CHD5: variants seen among roughly 807,000 people sequenced by gnomAD.
The protein encoded by CHD5 is ATP-dependent chromatin remodeler CHD5.
A neutral mutation model predicts 230.3 loss-of-function variants in CHD5; 69 were observed. That is an observed-to-expected ratio of 0.30 (90% CI 0.25 to 0.37). The LOEUF (loss-of-function observed/expected upper bound fraction) is 0.37, where lower values mean the gene tolerates loss of function less well. Ranked by LOEUF, CHD5 falls within the 10% of genes least tolerant of loss-of-function variation. The pLI is 1.00. For synonymous variants in CHD5, 1,064 were observed against 1,065.9 expected, an observed-to-expected ratio of 1.00 and a Z score of 0.03; for missense variants, 1,827 against 2,622.8, an observed-to-expected ratio of 0.70 and a Z score of 6.63.
At position 6,154,571 on chromosome 1, in the gene CHD5, T is replaced by C. The variant is rs765648301; in HGVS notation, c.745+89A>G. 2.4e-6 allele frequency: 3 copies of C among 1,230,886 alleles called. No homozygotes were observed. Among genetic ancestry groups the C allele is most frequent in the Non-Finnish European group, 3.3e-6 (3 of 906,290 alleles). The allele number at this position is 1,230,886 out of a possible 1,614,324, so 76.2% of individuals were successfully genotyped here. ...TAGGAGCACCCCAGCTGCCCCTCCC[T>C]GCCCGCGTCTGCCCCGTGGCTTCTC... is the stretch of plus-strand genomic sequence containing the variant. On this transcript the variant is annotated intron_variant, in intron 5 of 41. Coordinates refer to ENST00000262450, the MANE Select transcript of CHD5 (RefSeq NM_015557.3). This position sits in a 1 kb window ranked among gnomAD's most constrained non-coding sequence, Gnocchi z 7.0.
intron 33 of CHD5, among the ~76,000 whole-genome samples, chr1:6,114,301 C>T (rs961896277): frequency 1.3e-5 from 2 of 151,338 alleles, no homozygotes; most frequent in African/African-American, 4.9e-5. Flanking sequence ...CCAATCTAAA[C>T]CCAGAAAACA....
chr1:6,153,878 A>G (rs569953230), intron 5 of CHD5, among the ~76,000 whole-genome samples: 275 of 151,506 alleles, frequency 1.8e-3, no homozygotes, highest in African/African-American at 6.2e-3. Flanking sequence ...AGGAAAGCTG[A>G]GCTGCAGGTG....
At chr1:6,175,074 GTGGATGGTGGATGGATGCATGGA>G (rs1328066985) in intron 1 of CHD5, among the ~76,000 whole-genome samples, 1 of 149,236 alleles carries the variant, frequency 6.7e-6, no homozygotes, top group Non-Finnish European at 1.5e-5. Context: ...GAATGGATGA[GTGGATGGTGGATGGATGCATGGA>G]TGGATGGTGG....
Position 6,149,305 on chromosome 1 carries a change from C to G in CHD5, c.1102G>C (p.Val368Leu). The change falls in exon 8 of 42, where the codon GTA (valine) becomes CTA (leucine). Residue 368 changes from valine to leucine, a missense_variant. Around this residue, in one of 14 missense-constraint regions of CHD5, gnomAD observed 657 missense variants for 816.4 expected, o/e 0.80. Transcript: ENST00000262450. ...CDTCPRAYHL[V>L]CLDPELEKAP... ...TTCTCCAGCTCTGGGTCCAGGCATACGAGATGGTAGGCCCTCGGGCAGGTG... is the reference window on the plus strand; with the variant it reads ...TTCTCCAGCTCTGGGTCCAGGCATAGGAGATGGTAGGCCCTCGGGCAGGTG... The G allele has an allele frequency of 6.2e-7, 1 of 1,612,572 alleles. No homozygotes were observed. Among genetic ancestry groups the G allele is most frequent in the Non-Finnish European group, 8.5e-7 (1 of 1,179,524 alleles).
At chr1:6,110,804 G>C (rs1444114747) in intron 36 of CHD5, among the ~76,000 whole-genome samples, 1 of 152,206 alleles carries the variant, frequency 6.6e-6, no homozygotes, top group Non-Finnish European at 1.5e-5. Flanking sequence ...ATACGTTTAA[G>C]TCTTGCCCCC....
chr1:6,107,920 A>G (rs1251969898), intron 38 of CHD5, among the ~76,000 whole-genome samples: 1 of 103,426 alleles, frequency 9.7e-6, no homozygotes, highest in Non-Finnish European at 2.0e-5. Flanking sequence ...ATAATGGAAG[A>G]TGGAAGGATG....
At chr1:6,150,395 T>TGGAC (rs1351912688) in intron 7 of CHD5, among the ~76,000 whole-genome samples, 3 of 142,230 alleles carry the variant, frequency 2.1e-5, no homozygotes, top group African/African-American at 8.2e-5. Flanking sequence ...GATGGATGGA[T>TGGAC]GGATGGATGG....
Position 6,142,216 on chromosome 1 carries a change from T to A in CHD5, c.2348A>T (p.Asp783Val). The A allele has an allele frequency of 6.2e-7, 1 of 1,614,150 alleles. No homozygotes were observed. Among genetic ancestry groups the A allele is most frequent in the Non-Finnish European group, 8.5e-7 (1 of 1,180,022 alleles). The change falls in exon 15 of 42, where the codon GAC becomes GTC. Residue 783 changes from aspartate to valine, a missense_variant. Asp to Val is a radical substitution (Grantham distance 152, BLOSUM62 -3). Transcript: ENST00000262450. The surrounding 1 kb of genome is among the most constrained non-coding windows in gnomAD (Gnocchi z 5.2). ...CCGAATCACCGAGCGGCTCTCCTTG[T>A]CCCCCGTGTAGGTGACCACGTAGAA... Reference protein sequence around the residue: ...PDFYVVTYTGDKESRSVIREN... With the variant: ...PDFYVVTYTGVKESRSVIREN...
rs547954945 is a variant in CHD5, at chr1:6,146,955, G to A, written c.1384-84C>T. 22 of 1,077,660 alleles carry A rather than the reference G, an allele frequency of 2.0e-5. 1 individual carries two copies. In the African/African-American group the frequency reaches 3.2e-4, roughly 16 times the overall value. The allele number at this position is 1,077,660 out of a possible 1,614,324, so 66.8% of individuals were successfully genotyped here. A position where few individuals can be genotyped will look rare whatever the true frequency, so the allele number is the denominator to read the frequency against. ...TCCCATGACAGCAGGCTGCCATGCA[G>A]GCTCCCTCCCATCAGTGCCACTGCC... On this transcript the variant is annotated intron_variant, in intron 9 of 41. Transcript: ENST00000262450. This position sits in a 1 kb window ranked among gnomAD's most constrained non-coding sequence, Gnocchi z 5.1.
Position 6,104,314 on chromosome 1 carries a change from G to A in CHD5, c.*1160C>T, listed in dbSNP as rs919396369. On this transcript the variant is annotated 3_prime_UTR_variant, in exon 42 of 42. Coordinates refer to ENST00000262450, the MANE Select transcript of CHD5 (RefSeq NM_015557.3). The stretch of plus-strand genomic sequence containing the variant: ...TGGGAGGGGTCTGCAGAGGGCACTG[G>A]GTCCAGTCCCCCTCCAGGCAGAACT... The A allele has an allele frequency of 6.6e-6, 1 of 152,178 alleles. No individual in the cohort carries two copies. The highest frequency in any genetic ancestry group is 2.4e-5 in the African/African-American group (1 of 41,444). The allele number at this position is 152,178 out of a possible 1,614,324, so 9.4% of individuals were successfully genotyped here. A position where few individuals can be genotyped will look rare whatever the true frequency, so the allele number is the denominator to read the frequency against.
At chr1:6,113,987 C>T (rs765937678) in intron 33 of CHD5, among the ~76,000 whole-genome samples, 7 of 152,172 alleles carry the variant, frequency 4.6e-5, no homozygotes, top group Admixed American at 2.0e-4. Context: ...CGGTGGCTCA[C>T]GCCTGTAATC....
At chr1:6,138,729 T>C (rs1459778486) in intron 15 of CHD5, among the ~76,000 whole-genome samples, 1 of 152,148 alleles carries the variant, frequency 6.6e-6, no homozygotes. Context: ...GAAATAGAAT[T>C]ACCATATGAT....
chr1:6,132,271 A>G (rs1404782817), intron 20 of CHD5, among the ~76,000 whole-genome samples: 1 of 152,334 alleles, frequency 6.6e-6, no homozygotes, highest in East Asian at 1.9e-4. Flanking sequence ...TTAGCTGGAT[A>G]TAAAACTATC....
At chr1:6,110,359 T>C in intron 37 of CHD5, 35 bp downstream of exon 37, 1 of 1,576,650 alleles carries the variant, frequency 6.3e-7, no homozygotes, top group African/African-American at 1.6e-5. Context: ...CGTCCCTCCC[T>C]GCCCCGTGCA....
At position 6,143,584 on chromosome 1, in the gene CHD5, G is replaced by A. The variant is rs367792550; in HGVS notation, c.2043+239C>T. Among the ~76,000 whole-genome samples, 47 of 152,312 alleles carry A rather than the reference G, an allele frequency of 3.1e-4. No individual in the cohort carries two copies. In the East Asian group the frequency reaches 8.9e-3, roughly 29 times the overall value. On this transcript the variant is annotated intron_variant, in intron 13 of 41. Transcript: ENST00000262450. The stretch of plus-strand genomic sequence containing the variant: ...CGCTAGTGGACACCCAGGGAGCTCT[G>A]CTGAGTGAGTCATCCTGGGTCTCCT...
rs1666516388 is a variant in CHD5, at chr1:6,124,187, CA to C, written c.4540-81del. ...TCAGCCCTAAGGGCCTCAGGGCAGC[CA>C]GGGGGGCTGAAAGTGTCACAGGCTT... On this transcript the variant is annotated intron_variant, in intron 30 of 41. Transcript: ENST00000262450. 4.3e-5 allele frequency: 58 copies of C among 1,333,550 alleles called. No individual in the cohort carries two copies. In the South Asian group the frequency reaches 6.8e-4, roughly 16 times the overall value. The allele number at this position is 1,333,550 out of a possible 1,614,324, so 82.6% of individuals were successfully genotyped here.
chr1:6,174,239 A>T (rs1667383927), intron 1 of CHD5, among the ~76,000 whole-genome samples: 1 of 152,082 alleles, frequency 6.6e-6, no homozygotes, highest in Non-Finnish European at 1.5e-5. Flanking sequence ...ACAGAGGGAG[A>T]GAGAGAGACA....
Position 6,155,758 on chromosome 1 carries a change from T to C in CHD5, c.388-41A>G. ...CCAGAGGTAGAGTTGTTGAGGGGCCTTCTGACCTGCACCCCCATCCCCAGG... is the reference window on the plus strand; with the variant it reads ...CCAGAGGTAGAGTTGTTGAGGGGCCCTCTGACCTGCACCCCCATCCCCAGG... On this transcript the variant is annotated intron_variant, in intron 3 of 41. Transcript: ENST00000262450. This position sits in a 1 kb window ranked among gnomAD's most constrained non-coding sequence, Gnocchi z 4.0. 6.7e-7 allele frequency: 1 copy of C among 1,491,538 alleles called. No homozygotes were observed. Among genetic ancestry groups the C allele is most frequent in the Non-Finnish European group, 9.3e-7 (1 of 1,069,808 alleles). 92.4% of individuals were successfully genotyped at this position (1,491,538 alleles called of 1,614,324 possible).
chr1:6,149,839 T>A (rs998713120), intron 7 of CHD5, among the ~76,000 whole-genome samples: 1 of 148,082 alleles, frequency 6.8e-6, no homozygotes, highest in African/African-American at 2.5e-5. Flanking sequence ...GGATGATGAA[T>A]GGACAAATGG....
Sources: gnomAD v4.1 joint callset for allele counts (sites outside exome capture counted in the v4.1 genomes callset) on GRCh38, gnomAD v4.1.1 for gene constraint, gnomAD v4.1.1 regional missense constraint, Gnocchi (gnomAD v3.1) non-coding constraint, MANE v1.5 for transcripts, NCBI Gene and HGNC (gene_info 2026-07-23, HGNC 2026-07-21) for gene names.